Variants in FARS2 observed in about 807,000 individuals in gnomAD.
FARS2 encodes the protein phenylalanyl-tRNA synthetase 2, mitochondrial.
A neutral mutation model predicts 46.4 loss-of-function variants in FARS2; 40 were observed. The ratio of observed to expected loss-of-function variants is 0.86; its 90% CI spans 0.67 to 1.12. The LOEUF (loss-of-function observed/expected upper bound fraction) is 1.12, where lower values mean the gene tolerates loss of function less well. Ranked by LOEUF, FARS2 falls within the 50% of genes most tolerant of loss-of-function variation. The pLI, the probability that FARS2 is intolerant of heterozygous loss-of-function variation, is 0.00. For missense variants in FARS2, 513 were observed against 567.9 expected, an observed-to-expected ratio of 0.90 and a Z score of 0.98; for synonymous variants, 234 against 214.9, an observed-to-expected ratio of 1.09 and a Z score of -0.78.
intron 4 of FARS2, among the ~76,000 whole-genome samples, chr6:5,534,137 C>T (rs1208096658): frequency 6.6e-6 from 1 of 152,114 alleles, no homozygotes; most frequent in African/African-American, 2.4e-5. Flanking sequence ...TAGTGTATCT[C>T]AGTGTTTTCA....
chr6:5,599,123 C>A (rs1235238981), intron 5 of FARS2, among the ~76,000 whole-genome samples: 1 of 152,156 alleles, frequency 6.6e-6, no homozygotes, highest in African/African-American at 2.4e-5. Flanking sequence ...AGAGTTCATC[C>A]TCTAAGTATA....
intron 5 of FARS2, among the ~76,000 whole-genome samples, chr6:5,602,786 A>C (rs1774610570): frequency 6.6e-6 from 1 of 152,034 alleles, no homozygotes; most frequent in Non-Finnish European, 1.5e-5. Context: ...TTAAACCAGA[A>C]TCCCACTTTT....
intron 4 of FARS2, among the ~76,000 whole-genome samples, chr6:5,534,979 T>C (rs1286235270): frequency 6.7e-6 from 1 of 149,702 alleles, no homozygotes; most frequent in African/African-American, 2.4e-5. Context: ...CTTTACATTC[T>C]CAACAGCAAT....
At chr6:5,328,857 A>G (rs1020482686) in intron 1 of FARS2, among the ~76,000 whole-genome samples, 5 of 152,194 alleles carry the variant, frequency 3.3e-5, no homozygotes, top group African/African-American at 7.2e-5. Flanking sequence ...CCTGTTAATA[A>G]TGGAGTTATT....
chr6:5,658,421 C>A (rs1273890827), intron 6 of FARS2, among the ~76,000 whole-genome samples: 1 of 152,142 alleles, frequency 6.6e-6, no homozygotes, highest in African/African-American at 2.4e-5. Flanking sequence ...TAACTAAACT[C>A]CAAAAACATA....
intron 3 of FARS2, among the ~76,000 whole-genome samples, chr6:5,425,769 C>T (rs1762812061): frequency 6.6e-6 from 1 of 152,170 alleles, no homozygotes; most frequent in South Asian, 2.1e-4. Context: ...GGACTTTGGG[C>T]TCTCCTCATT....
intron 1 of FARS2, among the ~76,000 whole-genome samples, chr6:5,341,235 ATTT>A (rs70974193): frequency 3.9e-4 from 4 of 10,276 alleles, no homozygotes; most frequent in East Asian, 4.4e-3. Flanking sequence ...ATATATATAT[ATTT>A]TTTTTTTTTT....
At chr6:5,621,254 CTTT>C (rs112686629) in intron 6 of FARS2, among the ~76,000 whole-genome samples, 1 of 142,582 alleles carries the variant, frequency 7.0e-6, no homozygotes, top group Non-Finnish European at 1.5e-5. Context: ...ACTTGGCTAA[CTTT>C]TTTTTTTTTT....
chr6:5,471,470 T>G lies in FARS2; in HGVS notation c.904+40298T>G, dbSNP rs556363795. On this transcript the variant is annotated intron_variant, in intron 4 of 6. Coordinates refer to ENST00000274680, the MANE Select transcript of FARS2 (RefSeq NM_006567.5). This position sits in a 1 kb window ranked among gnomAD's most constrained non-coding sequence, Gnocchi z 4.1. ...CAAAGGGAAACTCCAGGACTTTTAA[T>G]TTCCTCTTGAATAATTCCTTTAATG... Among the ~76,000 whole-genome samples the G allele has an allele frequency of 1.3e-5, 2 of 152,330 alleles. No individual in the cohort carries two copies. Among genetic ancestry groups the G allele is most frequent in the South Asian group, 4.1e-4 (2 of 4,826 alleles).
chr6:5,392,196 T>C (rs1760562865), intron 2 of FARS2, among the ~76,000 whole-genome samples: 1 of 152,216 alleles, frequency 6.6e-6, no homozygotes, highest in South Asian at 2.1e-4. Flanking sequence ...TTTACCTTTC[T>C]GAGTTTCCTA....
chr6:5,383,531 G>A (rs1397222204), intron 2 of FARS2, among the ~76,000 whole-genome samples: 2 of 151,096 alleles, frequency 1.3e-5, no homozygotes, highest in Non-Finnish European at 2.9e-5. Flanking sequence ...TTAACACTCT[G>A]AACTTCAGCG....
At chr6:5,295,073 A>G (rs1396021110) in intron 1 of FARS2, among the ~76,000 whole-genome samples, 1 of 152,188 alleles carries the variant, frequency 6.6e-6, no homozygotes, top group Non-Finnish European at 1.5e-5. Context: ...GCAAAAACCA[A>G]TATACCTCTT....
chr6:5,436,800 G>A (rs1235514075), intron 4 of FARS2, among the ~76,000 whole-genome samples: 1 of 152,128 alleles, frequency 6.6e-6, no homozygotes, highest in African/African-American at 2.4e-5. Flanking sequence ...ATCAAGATAT[G>A]CATATTAAAC....
chr6:5,682,000 C>G (rs1779056507), intron 6 of FARS2, among the ~76,000 whole-genome samples: 1 of 152,242 alleles, frequency 6.6e-6, no homozygotes, highest in Non-Finnish European at 1.5e-5. Flanking sequence ...CCATTTTACT[C>G]TGCCCTGGTC....
chr6:5,647,694 AG>A (rs1777146559), intron 6 of FARS2, among the ~76,000 whole-genome samples: 1 of 152,256 alleles, frequency 6.6e-6, no homozygotes, highest in African/African-American at 2.4e-5. Flanking sequence ...AGAGCAAAAC[AG>A]GTTCAAAATA....
chr6:5,432,901 G>C (rs1763311290), intron 4 of FARS2, among the ~76,000 whole-genome samples: 1 of 152,184 alleles, frequency 6.6e-6, no homozygotes. Flanking sequence ...TCGGCTGGGA[G>C]ACTGGAGGCC....
At chr6:5,732,729 C>T (rs1760714264) in intron 6 of FARS2, among the ~76,000 whole-genome samples, 1 of 152,152 alleles carries the variant, frequency 6.6e-6, no homozygotes, top group South Asian at 2.1e-4. Flanking sequence ...GTCACGAGCT[C>T]CTGGACAGCT....
chr6:5,389,306 C>T lies in FARS2; in HGVS notation c.613-15236C>T, dbSNP rs140705909. Among the ~76,000 whole-genome samples, 745 of 152,156 alleles carry T rather than the reference C, an allele frequency of 4.9e-3. 7 individuals carry two copies. Among genetic ancestry groups the T allele is most frequent in the African/African-American group, 0.017 (709 of 41,504 alleles). ...TGAGTTCTCCAAGCTGCTACTGTTC[C>T]TCCTCCCCTCCCTTGCCATCTTCTC... On this transcript the variant is annotated intron_variant, in intron 2 of 6. Transcript: ENST00000274680.
At chr6:5,329,093 C>G (rs552834943) in intron 1 of FARS2, among the ~76,000 whole-genome samples, 3 of 150,758 alleles carry the variant, frequency 2.0e-5, no homozygotes, top group Non-Finnish European at 2.9e-5. Flanking sequence ...GTAGCCTGCT[C>G]GATCTCTAAA....
Sources: allele counts gnomAD v4.1 joint callset (sites outside exome capture counted in the v4.1 genomes callset), GRCh38; gene constraint gnomAD v4.1.1; non-coding constraint Gnocchi (gnomAD v3.1); transcripts MANE v1.5; gene names NCBI Gene and HGNC (gene_info 2026-07-23, HGNC 2026-07-21).